The following DOK5 variants were observed in gnomAD, a reference collection of about 807,000 sequenced individuals.
DOK5 encodes the protein docking protein 5.
DOK5 carries 27 observed loss-of-function variants against 43.3 expected under a neutral mutation model. That is an observed-to-expected ratio of 0.62 (90% CI 0.46 to 0.86). The LOEUF (loss-of-function observed/expected upper bound fraction) is 0.86, where lower values mean the gene tolerates loss of function less well. DOK5 is among the 40% of genes least tolerant of loss of function. The pLI is 0.00. For synonymous variants in DOK5, 146 were observed against 140.1 expected (o/e 1.04, Z -0.30); for missense variants, 373 against 392.9 (o/e 0.95, Z 0.43).
chr20:54,559,184 G>C (rs961313646), intron 2 of DOK5, among the ~76,000 whole-genome samples: 6 of 152,154 alleles, frequency 3.9e-5, no homozygotes, highest in Admixed American at 1.3e-4. Context: ...GAAAGTTTCT[G>C]TGCATAGTTT....
chr20:54,586,266 A>T (rs529438749), intron 2 of DOK5, among the ~76,000 whole-genome samples: 31 of 152,348 alleles, frequency 2.0e-4, no homozygotes, highest in Non-Finnish European at 4.3e-4. Flanking sequence ...CAAATAATAC[A>T]GTAGAGCTTC....
rs142395439 is a variant in DOK5 at position 54,512,983 on chromosome 20, T to C, written c.66+36971T>C. Among the ~76,000 whole-genome samples the C allele has an allele frequency of 1.1e-4, 17 of 152,320 alleles. No individual in the cohort carries two copies. The East Asian group carries it at 3.3e-3, about 29-fold the overall frequency. ...CTGCTGGGCATCTCACTGATGGCTT[T>C]TTCCCCCTTATACACCAGCAGATCC... On this transcript the variant is annotated intron_variant, in intron 1 of 7. Transcript: ENST00000262593.
intron 6 of DOK5, among the ~76,000 whole-genome samples, chr20:54,625,926 G>C (rs1987116659): frequency 6.6e-6 from 1 of 152,160 alleles, no homozygotes; most frequent in South Asian, 2.1e-4. Flanking sequence ...GAATCATGGT[G>C]GGCACGACAT....
chr20:54,632,735 T>C (rs1355962521), intron 6 of DOK5, among the ~76,000 whole-genome samples: 1 of 152,208 alleles, frequency 6.6e-6, no homozygotes, highest in Non-Finnish European at 1.5e-5. Flanking sequence ...TCTCAAAGCA[T>C]GGTTCCTAAA....
chr20:54,500,689 G>A (rs925963292), intron 1 of DOK5, among the ~76,000 whole-genome samples: 1 of 151,180 alleles, frequency 6.6e-6, no homozygotes, highest in Non-Finnish European at 1.5e-5. Flanking sequence ...AGCCTCCTGA[G>A]TAGCTGGGAT....
At chr20:54,555,131 A>G in intron 2 of DOK5, 91 bp downstream of exon 2, 1 of 827,422 alleles carries the variant, frequency 1.2e-6, no homozygotes. Context: ...TTATTTAACA[A>G]AGGTACAAGC....
chr20:54,586,163 A>C (rs1985797841), intron 2 of DOK5, among the ~76,000 whole-genome samples: 1 of 152,216 alleles, frequency 6.6e-6, no homozygotes, highest in African/African-American at 2.4e-5. Flanking sequence ...GGACCAATGC[A>C]TGTTGGCATC....
intron 1 of DOK5, among the ~76,000 whole-genome samples, chr20:54,543,149 T>A (rs1984221654): frequency 1.3e-5 from 2 of 152,326 alleles, no homozygotes; most frequent in Non-Finnish European, 2.9e-5. Context: ...TTATGACTCT[T>A]ATACAAATGT....
intron 6 of DOK5, among the ~76,000 whole-genome samples, chr20:54,642,709 C>T (rs976830406): frequency 2.6e-5 from 4 of 152,002 alleles, no homozygotes; most frequent in Non-Finnish European, 5.9e-5. Flanking sequence ...GCTGACAGAG[C>T]AAGACTCCAT....
intron 1 of DOK5, among the ~76,000 whole-genome samples, chr20:54,554,163 A>T (rs1434333527): frequency 6.6e-6 from 1 of 152,172 alleles, no homozygotes. Context: ...TCCTGGGGAT[A>T]TAGATGATTT....
chr20:54,481,901 G>A (rs1361507599), intron 1 of DOK5, among the ~76,000 whole-genome samples: 1 of 152,184 alleles, frequency 6.6e-6, no homozygotes, highest in African/African-American at 2.4e-5. Flanking sequence ...GCTTAACACA[G>A]TGCTTGACAC....
intron 1 of DOK5, among the ~76,000 whole-genome samples, chr20:54,477,779 A>C (rs1981493555): frequency 2.0e-5 from 3 of 152,212 alleles, no homozygotes; most frequent in Non-Finnish European, 4.4e-5. Flanking sequence ...TAATGCACAA[A>C]ATATGAATTA....
chr20:54,485,392 T>C lies in DOK5; in HGVS notation c.66+9380T>C, dbSNP rs957574717. Among the ~76,000 whole-genome samples, 6 of 151,656 alleles carry C rather than the reference T, an allele frequency of 4.0e-5. No individual in the cohort carries two copies. In the South Asian group the frequency reaches 1.3e-3, roughly 32 times the overall value. On this transcript the variant is annotated intron_variant, in intron 1 of 7. Coordinates refer to ENST00000262593, the MANE Select transcript of DOK5 (RefSeq NM_018431.5). ...AAAAGAATGTAATGTAAAAGAACCA[T>C]ACAGTATGTAATGTTTGGGGATTGG...
chr20:54,597,921 C>T (rs1008915839), intron 5 of DOK5, among the ~76,000 whole-genome samples: 2 of 152,002 alleles, frequency 1.3e-5, no homozygotes, highest in Admixed American at 1.3e-4. Flanking sequence ...GAAGCTGCCT[C>T]AATGTGAGGA....
chr20:54,569,423 T>A (rs1002763538), intron 2 of DOK5, among the ~76,000 whole-genome samples: 1 of 152,198 alleles, frequency 6.6e-6, no homozygotes. Flanking sequence ...TACACCATAA[T>A]CTGTTTAAGC....
chr20:54,596,741 C>T (rs1354772749), intron 5 of DOK5, among the ~76,000 whole-genome samples: 1 of 152,150 alleles, frequency 6.6e-6, no homozygotes, highest in Non-Finnish European at 1.5e-5. Context: ...CAGTTGTATC[C>T]ACCCAAACTA....
At chr20:54,620,178 G>A (rs1248227343) in intron 6 of DOK5, among the ~76,000 whole-genome samples, 3 of 152,146 alleles carry the variant, frequency 2.0e-5, no homozygotes, top group Non-Finnish European at 4.4e-5. Context: ...TACTTGCAAA[G>A]CAATGTGTTA....
chr20:54,522,476 A>G (rs899120432), intron 1 of DOK5, among the ~76,000 whole-genome samples: 1 of 152,084 alleles, frequency 6.6e-6, no homozygotes, highest in Non-Finnish European at 1.5e-5. Context: ...TCGGAGACAG[A>G]GAAGGAGAGA....
At chr20:54,578,333 C>T (rs1050902087) in intron 2 of DOK5, among the ~76,000 whole-genome samples, 12 of 151,880 alleles carry the variant, frequency 7.9e-5, no homozygotes, top group South Asian at 2.1e-4. Flanking sequence ...TTTAGTAAGC[C>T]GTATAGACAC....
Sources: gnomAD v4.1 joint callset for allele counts (sites outside exome capture counted in the v4.1 genomes callset) on GRCh38, gnomAD v4.1.1 for gene constraint, MANE v1.5 for transcripts, NCBI Gene and HGNC (gene_info 2026-07-23, HGNC 2026-07-21) for gene names.